The following TTC12 variants were observed in gnomAD, a reference collection of about 807,000 sequenced individuals.
TTC12 encodes tetratricopeptide repeat domain 12.
Under a neutral mutation model 90.1 loss-of-function variants are expected in TTC12, and 70 were observed. The ratio of observed to expected loss-of-function variants is 0.78; its 90% confidence interval spans 0.64 to 0.95. The LOEUF is 0.95. Ranked by LOEUF, TTC12 falls within the 40% of genes least tolerant of loss-of-function variation. The pLI, the probability that TTC12 is intolerant of heterozygous loss-of-function variation, is 0.00. For missense variants in TTC12, 819 were observed against 846.1 expected (o/e 0.97, Z 0.40); for synonymous variants, 296 against 311.5 (o/e 0.95, Z 0.53).
At chr11:113,363,727 T>G in intron 19 of TTC12, 101 bp from the exon 20 acceptor site, 1 of 761,140 alleles carries the variant, frequency 1.3e-6, no homozygotes, top group South Asian at 1.8e-5. Flanking sequence ...CTTTTCAGAG[T>G]TTAGGAAGCC....
chr11:113,368,272 T>A, downstream of TTC12: 1 of 1,531,860 alleles, frequency 6.5e-7, no homozygotes, highest in Non-Finnish European at 8.8e-7. Context: ...GGAAGAGATG[T>A]TTCACATGCT....
chr11:113,330,580 A>C (rs1947997157), intron 7 of TTC12, among the ~76,000 whole-genome samples: 1 of 152,212 alleles, frequency 6.6e-6, no homozygotes, highest in Admixed American at 6.5e-5. Context: ...TAATACGATC[A>C]CTTTTTAGGG....
chr11:113,348,045 G>A (rs1474348292), intron 13 of TTC12, among the ~76,000 whole-genome samples: 1 of 152,130 alleles, frequency 6.6e-6, no homozygotes, highest in African/African-American at 2.4e-5. Context: ...GGGACCCCAG[G>A]ATCCTACCCT....
chr11:113,324,895 A>G (rs998690272), intron 5 of TTC12, among the ~76,000 whole-genome samples: 1 of 152,232 alleles, frequency 6.6e-6, no homozygotes, highest in Admixed American at 6.5e-5. Context: ...ACCTACCTCC[A>G]GTGAAACCTC....
chr11:113,330,052 A>G, intron 7 of TTC12, 73 bp downstream of exon 7: 2 of 1,181,550 alleles, frequency 1.7e-6, no homozygotes, highest in South Asian at 2.4e-5. Flanking sequence ...CAGTGTATCA[A>G]GATAGGAAAG....
chr11:113,325,390 A>T, intron 5 of TTC12, 134 bp from the exon 6 acceptor site: 1 of 1,020,524 alleles, frequency 9.8e-7, no homozygotes. Flanking sequence ...TGCAGAAAAA[A>T]ACAAGTGTCA....
intron 8 of TTC12, among the ~76,000 whole-genome samples, chr11:113,336,482 A>G (rs1330290793): frequency 6.6e-6 from 1 of 152,112 alleles, no homozygotes; most frequent in African/African-American, 2.4e-5. Flanking sequence ...ATGTATACCT[A>G]TATTTTCTTC....
At chr11:113,338,941 G>A (rs1037116319) in intron 9 of TTC12, 107 bp downstream of exon 9, 10 of 983,582 alleles carry the variant, frequency 1.0e-5, no homozygotes, top group South Asian at 4.2e-5. Context: ...AGGCAGCGGC[G>A]GATCCTCTTT....
intron 2 of TTC12, among the ~76,000 whole-genome samples, chr11:113,318,611 G>T (rs1947102860): frequency 6.6e-6 from 1 of 152,028 alleles, no homozygotes; most frequent in African/African-American, 2.4e-5. Context: ...TGAATTTTTG[G>T]GGGGGATGCA....
At chr11:113,368,692 C>T, downstream of TTC12, 3 of 608,792 alleles carry the variant, frequency 4.9e-6, no homozygotes, top group Non-Finnish European at 8.8e-6. Flanking sequence ...TAGGAAGGGG[C>T]TGAGATGCTG....
In TTC12 at chr11:113,317,229, GGTACT is replaced by G. The variant is rs556639137; in HGVS notation, c.58+917_58+921del. ...TTCTTTTCTGAGCCTCTGCCTCTATGGTACTGTCATACCTACTGTATCCCACAAAT... is the reference window on the plus strand; with the variant it reads ...TTCTTTTCTGAGCCTCTGCCTCTATGGTCATACCTACTGTATCCCACAAAT... On this transcript the variant is annotated intron_variant, in intron 2 of 21. Transcript: ENST00000529221. Among the ~76,000 whole-genome samples, 23 of 152,130 alleles carry G rather than the reference GGTACT, an allele frequency of 1.5e-4. No individual in the cohort carries two copies. In the South Asian group the frequency reaches 1.7e-3, roughly 11 times the overall value.
In TTC12 at chr11:113,323,285, T is replaced by G; in HGVS notation, c.59-3T>G. ...ATTAAGTCACACCTGATTTCTTCTC[T>G]AGCCAATTTAATTCAGGAGATGAAT... On this transcript the variant is annotated splice_polypyrimidine_tract_variant and splice_region_variant and intron_variant, in intron 2 of 21. Transcript: ENST00000529221. The G allele has an allele frequency of 6.3e-7, 1 of 1,594,898 alleles. No homozygotes were observed. The highest frequency in any genetic ancestry group is 8.5e-7 in the Non-Finnish European group (1 of 1,173,154).
intron 3 of TTC12, 65 bp downstream of exon 3, chr11:113,323,516 G>A: frequency 8.7e-7 from 1 of 1,147,360 alleles, no homozygotes; most frequent in Non-Finnish European, 1.2e-6. Context: ...CTAGGCAGTA[G>A]TTTAATCTCA....
chr11:113,358,458 A>G (rs76720493), intron 16 of TTC12, among the ~76,000 whole-genome samples: 2,227 of 152,244 alleles, frequency 0.015, 49 homozygotes, highest in African/African-American at 0.048. Context: ...AGAGCCCCCA[A>G]GACTGCTCAG....
At chr11:113,324,285 T>A in intron 4 of TTC12, 2 of 533,000 alleles carry the variant, frequency 3.8e-6, no homozygotes, top group Non-Finnish European at 6.6e-6. Flanking sequence ...AGATAGTTTC[T>A]CTGTTGCTCA....
intron 12 of TTC12, among the ~76,000 whole-genome samples, chr11:113,342,382 A>T (rs546230689): frequency 6.6e-6 from 1 of 152,338 alleles, no homozygotes; most frequent in African/African-American, 2.4e-5. Context: ...TTACTGTGCT[A>T]ACTCTTAGGC....
At chr11:113,371,844 A>T (rs914099686) in intron 21 of TTC12, among the ~76,000 whole-genome samples, 1 of 152,180 alleles carries the variant, frequency 6.6e-6, no homozygotes, top group African/African-American at 2.4e-5. Flanking sequence ...GGGAGATATG[A>T]TACCCACTTC....
At chr11:113,337,976 T>C (rs2137982944) in intron 8 of TTC12, among the ~76,000 whole-genome samples, 1 of 152,350 alleles carries the variant, frequency 6.6e-6, no homozygotes, top group Middle Eastern at 3.4e-3. Flanking sequence ...GACACTGTTC[T>C]CTACTTTAAT....
chr11:113,341,459 G>T (rs1948677683), intron 11 of TTC12, among the ~76,000 whole-genome samples: 1 of 152,186 alleles, frequency 6.6e-6, no homozygotes, highest in African/African-American at 2.4e-5. Context: ...TGTATGGTAG[G>T]ATGCAGTTTG....
Sources: allele counts gnomAD v4.1 joint callset (sites outside exome capture counted in the v4.1 genomes callset), GRCh38; gene constraint gnomAD v4.1.1; transcripts MANE v1.5; gene names NCBI Gene and HGNC (gene_info 2026-07-23, HGNC 2026-07-21).